Variants in CUX2 observed in about 807,000 individuals in gnomAD.
CUX2 encodes the protein homeobox protein cut-like 2.
A neutral mutation model predicts 144.8 loss-of-function variants in CUX2; 40 were observed. The observed-to-expected ratio is 0.28, with a 90% CI of 0.21 to 0.36. The LOEUF is 0.36. CUX2 is among the 10% of genes least tolerant of loss of function. The pLI is 1.00. For synonymous variants in CUX2, 827 were observed against 875.6 expected (o/e 0.94, Z 0.98); for missense variants, 1,615 against 1,994.0 (o/e 0.81, Z 3.62).
rs1467513862 is a variant in CUX2, at chr12:111,322,230, A to G, written c.2767-191A>G. Among the ~76,000 whole-genome samples, 1 of 151,240 alleles carries G rather than the reference A, an allele frequency of 6.6e-6. No homozygotes were observed. The highest frequency in any genetic ancestry group is 2.4e-5 in the African/African-American group (1 of 41,024). Reference sequence around the variant, plus strand: ...CTACTAAGGAGGCTGAGGCAGGAGAATCATTTGAACCTGGGAGGCGGAGTT... The same window carrying G: ...CTACTAAGGAGGCTGAGGCAGGAGAGTCATTTGAACCTGGGAGGCGGAGTT... On this transcript the variant is annotated intron_variant, in intron 17 of 21. Transcript: ENST00000261726. This position sits in a 1 kb window ranked among gnomAD's most constrained non-coding sequence, Gnocchi z 4.2.
chr12:111,172,712 G>A (rs1225638213), intron 1 of CUX2, among the ~76,000 whole-genome samples: 1 of 152,206 alleles, frequency 6.6e-6, no homozygotes, highest in Non-Finnish European at 1.5e-5. Context: ...TTTAAAAGGA[G>A]TCTGTGTCTT....
chr12:111,063,383 C>T (rs1023509208), intron 1 of CUX2, among the ~76,000 whole-genome samples: 1 of 152,194 alleles, frequency 6.6e-6, no homozygotes, highest in Non-Finnish European at 1.5e-5. Flanking sequence ...GGCGTGCAGC[C>T]TGAGGGAATG....
At chr12:111,217,274 G>A (rs778366819) in intron 2 of CUX2, among the ~76,000 whole-genome samples, 2 of 152,202 alleles carry the variant, frequency 1.3e-5, no homozygotes, top group African/African-American at 2.4e-5. Flanking sequence ...CTCGAATGGG[G>A]TATAAACCCA....
At chr12:111,168,146 G>A (rs1012393310) in intron 1 of CUX2, among the ~76,000 whole-genome samples, 9 of 152,108 alleles carry the variant, frequency 5.9e-5, no homozygotes, top group Non-Finnish European at 1.3e-4. Context: ...GATGTGCACC[G>A]TCTCAGCGCC....
At chr12:111,260,418 C>T (rs1009721010) in intron 3 of CUX2, among the ~76,000 whole-genome samples, 28 of 151,828 alleles carry the variant, frequency 1.8e-4, no homozygotes, top group Admixed American at 4.6e-4. Context: ...GAGCCAAGAT[C>T]GTGCCACTGC....
intron 3 of CUX2, among the ~76,000 whole-genome samples, chr12:111,262,019 C>T (rs1334060330): frequency 6.6e-6 from 1 of 152,232 alleles, no homozygotes; most frequent in African/African-American, 2.4e-5. Flanking sequence ...GTGACTTCCC[C>T]TTCTCAGGGA....
At chr12:111,154,665 T>C (rs1877263595) in intron 1 of CUX2, among the ~76,000 whole-genome samples, 1 of 152,134 alleles carries the variant, frequency 6.6e-6, no homozygotes, top group African/African-American at 2.4e-5. Flanking sequence ...TGGGACCTCG[T>C]GCCTGGGAGA....
intron 1 of CUX2, among the ~76,000 whole-genome samples, chr12:111,121,541 T>A (rs1874693458): frequency 6.6e-6 from 1 of 151,862 alleles, no homozygotes; most frequent in African/African-American, 2.4e-5. Flanking sequence ...CACACCCAGC[T>A]AGTAGAGGTG....
At chr12:111,193,013 G>C (rs1244016925) in intron 1 of CUX2, among the ~76,000 whole-genome samples, 1 of 152,150 alleles carries the variant, frequency 6.6e-6, no homozygotes, top group African/African-American at 2.4e-5. Context: ...CACCTAAAAG[G>C]GTCCCAAGAC....
At chr12:111,172,119 GTGTGTGTGCATGTGCCTT>G (rs1358280406) in intron 1 of CUX2, among the ~76,000 whole-genome samples, 4 of 152,042 alleles carry the variant, frequency 2.6e-5, no homozygotes, top group Admixed American at 6.5e-5. Flanking sequence ...ATGCTTGTGT[GTGTGTGTGCATGTGCCTT>G]TGTGTGTGCA....
At chr12:111,264,557 G>A (rs1368913900) in intron 4 of CUX2, among the ~76,000 whole-genome samples, 1 of 152,106 alleles carries the variant, frequency 6.6e-6, no homozygotes, top group African/African-American at 2.4e-5. Context: ...CAACCCAGCG[G>A]TTTTAGTAGA....
chr12:111,204,420 G>T (rs537865169), intron 1 of CUX2, among the ~76,000 whole-genome samples: 9 of 152,324 alleles, frequency 5.9e-5, no homozygotes, highest in Admixed American at 1.3e-4. Context: ...CACACAAAAA[G>T]TAGTTATTGA....
chr12:111,046,872 G>C (rs1555264597), intron 1 of CUX2, among the ~76,000 whole-genome samples: 1 of 152,224 alleles, frequency 6.6e-6, no homozygotes, highest in South Asian at 2.1e-4. Flanking sequence ...GGCCAGGCTG[G>C]TCTTGAATTC....
chr12:111,330,089 C>T (rs1471726284), intron 18 of CUX2, among the ~76,000 whole-genome samples: 1 of 152,210 alleles, frequency 6.6e-6, no homozygotes, highest in Non-Finnish European at 1.5e-5. Context: ...ATGCCCACGT[C>T]AGCCTTGGCA....
chr12:111,080,179 C>T (rs1215366119), intron 1 of CUX2, among the ~76,000 whole-genome samples: 1 of 152,202 alleles, frequency 6.6e-6, no homozygotes. Flanking sequence ...CTCCTTTGCT[C>T]TGTCTGGTGG....
At chr12:111,286,895 T>C (rs4766568) in intron 4 of CUX2, among the ~76,000 whole-genome samples, 31,037 of 152,050 alleles carry the variant, frequency 0.2, 4,182 homozygotes, top group East Asian at 0.64. Context: ...TAATAATTCC[T>C]GGGAATTAGG....
rs1888438956 is a variant in CUX2, at chr12:111,338,224, C to A, written c.3197-62C>A. The A allele has an allele frequency of 2.0e-6, 3 of 1,504,864 alleles. No individual in the cohort carries two copies. The African/African-American group carries it at 4.1e-5, about 21-fold the overall frequency. The allele number at this position is 1,504,864 out of a possible 1,614,324, so 93.2% of individuals were successfully genotyped here. A position where few individuals can be genotyped will look rare whatever the true frequency, so the allele number is the denominator to read the frequency against. On this transcript the variant is annotated intron_variant, in intron 19 of 21. Coordinates refer to ENST00000261726, the MANE Select transcript of CUX2 (RefSeq NM_015267.4). ...TGTCTCTGGCCTATTCCATGTCTCT[C>A]CTGGGAGTAGGCTTCTCTGCCCAGC...
intron 1 of CUX2, among the ~76,000 whole-genome samples, chr12:111,119,421 TAGCGAGACCCC>T (rs1264526811): frequency 3.1e-4 from 47 of 152,008 alleles, no homozygotes; most frequent in African/African-American, 1.1e-3. Flanking sequence ...CTGGGCAACA[TAGCGAGACCCC>T]ATCTTTAAAA....
In CUX2 at chr12:111,287,100, G is replaced by C. The variant is rs1885424911; in HGVS notation, c.302-4318G>C. Among the ~76,000 whole-genome samples, 1 of 152,230 alleles carries C rather than the reference G, an allele frequency of 6.6e-6. No homozygotes were observed. Among genetic ancestry groups the C allele is most frequent in the Non-Finnish European group, 1.5e-5 (1 of 68,042 alleles). On this transcript the variant is annotated intron_variant, in intron 4 of 21. Coordinates refer to ENST00000261726, the MANE Select transcript of CUX2 (RefSeq NM_015267.4). The surrounding 1 kb of genome is among the most constrained non-coding windows in gnomAD (Gnocchi z 4.2). ...AGCCCCTGTTCCCACCAGCCTCTCT[G>C]GGGAGCCACCTGAGGCCAGCCTCCC... is the stretch of plus-strand genomic sequence containing the variant.
Sources: gnomAD v4.1 joint callset for allele counts (sites outside exome capture counted in the v4.1 genomes callset) on GRCh38, gnomAD v4.1.1 for gene constraint, Gnocchi (gnomAD v3.1) non-coding constraint, MANE v1.5 for transcripts, NCBI Gene and HGNC (gene_info 2026-07-23, HGNC 2026-07-21) for gene names.